The following CNOT6 variants were observed in gnomAD, a reference collection of about 807,000 sequenced individuals.
CNOT6 encodes the protein carbon catabolite repression 4 protein.
CNOT6 carries 12 observed loss-of-function variants against 61.2 expected under a neutral mutation model. That is an observed-to-expected ratio of 0.20 (90% CI 0.13 to 0.32). The LOEUF (loss-of-function observed/expected upper bound fraction) is 0.32. CNOT6 is among the 10% of genes least tolerant of loss of function. The pLI is 1.00. For synonymous variants in CNOT6, 225 were observed against 240.6 expected (o/e 0.94, Z 0.60); for missense variants, 405 against 663.9 (o/e 0.61, Z 4.28).
At chr5:180,558,401 G>T (rs1038313957) in intron 4 of CNOT6, among the ~76,000 whole-genome samples, 1 of 152,002 alleles carries the variant, frequency 6.6e-6, no homozygotes, top group African/African-American at 2.4e-5. Flanking sequence ...GTTAGGGCTG[G>T]CCGGACTGGG....
intron 4 of CNOT6, among the ~76,000 whole-genome samples, chr5:180,554,525 T>TA (rs1554102146): frequency 4.6e-5 from 7 of 152,064 alleles, no homozygotes; most frequent in South Asian, 4.2e-4. Flanking sequence ...CAGTTTTTTT[T>TA]AAATAAATAG....
chr5:180,494,786 CCG>C (rs1469313249), intron 1 of CNOT6, 23 bp downstream of exon 1: 1 of 152,002 alleles, frequency 6.6e-6, no homozygotes, highest in Non-Finnish European at 1.5e-5. Flanking sequence ...GGCCGGAGGC[CCG>C]GTCGGGGCGC....
rs185110304 is a variant in CNOT6 at position 180,577,473 on chromosome 5, T to C, written c.*3273T>C. On this transcript the variant is annotated 3_prime_UTR_variant, in exon 12 of 12. Coordinates refer to ENST00000261951, the MANE Select transcript of CNOT6 (RefSeq NM_001370472.1). The stretch of plus-strand genomic sequence containing the variant: ...GCTAGGCAAAACAATGACAGCACCG[T>C]TTTTTCAGTGAAGCTCTCAGAATGT... The C allele has an allele frequency of 5.0e-4, 76 of 152,628 alleles. No individual in the cohort carries two copies. In the East Asian group the frequency reaches 9.3e-3, roughly 19 times the overall value. The allele number at this position is 152,628 out of a possible 1,614,324, so 9.5% of individuals were successfully genotyped here. A position where few individuals can be genotyped will look rare whatever the true frequency, so the allele number is the denominator to read the frequency against.
At chr5:180,516,983 A>G (rs1161743082) in intron 1 of CNOT6, among the ~76,000 whole-genome samples, 1 of 152,162 alleles carries the variant, frequency 6.6e-6, no homozygotes, top group Non-Finnish European at 1.5e-5. Flanking sequence ...TTCTTCCTCC[A>G]TAGTATTGGT....
intron 2 of CNOT6, among the ~76,000 whole-genome samples, chr5:180,531,763 ACT>A (rs1307857901): frequency 2.0e-5 from 3 of 152,212 alleles, no homozygotes; most frequent in African/African-American, 7.2e-5. Context: ...CAGGCAGATC[ACT>A]CGGGGTCAGG....
intron 4 of CNOT6, among the ~76,000 whole-genome samples, chr5:180,560,866 G>C (rs1457221157): frequency 6.6e-6 from 1 of 152,130 alleles, no homozygotes; most frequent in Non-Finnish European, 1.5e-5. Flanking sequence ...ATGAATGTTA[G>C]ATCTTTTGTT....
chr5:180,517,684 C>G lies in CNOT6; in HGVS notation c.-2-11591C>G, dbSNP rs185130191. Among the ~76,000 whole-genome samples, 131 of 152,280 alleles carry G rather than the reference C, an allele frequency of 8.6e-4. No homozygotes were observed. The East Asian group carries it at 0.02, about 24-fold the overall frequency. ...TCAGCCTCCTGAGTAGCTGGGACTACAGACGCCTGCCACAAAGCCCAGCTA... is the reference window on the plus strand; with the variant it reads ...TCAGCCTCCTGAGTAGCTGGGACTAGAGACGCCTGCCACAAAGCCCAGCTA... On this transcript the variant is annotated intron_variant, in intron 1 of 11. Coordinates refer to ENST00000261951, the MANE Select transcript of CNOT6 (RefSeq NM_001370472.1).
At chr5:180,540,351 G>T (rs1252801101) in intron 2 of CNOT6, among the ~76,000 whole-genome samples, 1 of 151,818 alleles carries the variant, frequency 6.6e-6, no homozygotes, top group Non-Finnish European at 1.5e-5. Context: ...ATATGATTAG[G>T]GTCAAATAAG....
intron 1 of CNOT6, among the ~76,000 whole-genome samples, chr5:180,525,732 G>T (rs920980929): frequency 6.6e-6 from 1 of 151,990 alleles, no homozygotes; most frequent in Admixed American, 6.6e-5. Context: ...TTGCAACTCT[G>T]CAGGAAGAAC....
Position 180,530,530 on chromosome 5 carries a change from C to T in CNOT6, c.112+1142C>T, listed in dbSNP as rs148451424. Among the ~76,000 whole-genome samples, 122 of 151,024 alleles carry T rather than the reference C, an allele frequency of 8.1e-4. No individual in the cohort carries two copies. In the South Asian group the frequency reaches 8.4e-3, roughly 10 times the overall value. ...GCCATAGTAGAGGTCAGTACACACA[C>T]GGGTCTCTCCTGTTTTCCCTCTTCT... On this transcript the variant is annotated intron_variant, in intron 2 of 11. Transcript: ENST00000261951.
chr5:180,513,306 C>T (rs918385403), intron 1 of CNOT6, among the ~76,000 whole-genome samples: 15 of 152,200 alleles, frequency 9.9e-5, no homozygotes, highest in Non-Finnish European at 1.9e-4. Context: ...TTTCCCTCTT[C>T]AGCCTCCTGA....
chr5:180,536,450 T>G (rs1282681478), intron 2 of CNOT6, among the ~76,000 whole-genome samples: 1 of 152,124 alleles, frequency 6.6e-6, no homozygotes, highest in African/African-American at 2.4e-5. Flanking sequence ...TTAATGTAAT[T>G]AAGTCCCATT....
intron 1 of CNOT6, among the ~76,000 whole-genome samples, chr5:180,510,830 G>A (rs1358748097): frequency 6.6e-6 from 1 of 151,636 alleles, no homozygotes; most frequent in Non-Finnish European, 1.5e-5. Flanking sequence ...TTGCGACAGA[G>A]TCTCGCTCTC....
intron 1 of CNOT6, among the ~76,000 whole-genome samples, chr5:180,515,186 G>A (rs1383593699): frequency 6.6e-6 from 1 of 152,026 alleles, no homozygotes; most frequent in Non-Finnish European, 1.5e-5. Context: ...GGGAGGTCGA[G>A]GCAGGAGGAT....
At chr5:180,566,956 G>T in intron 7 of CNOT6, 132 bp from the exon 8 acceptor site, 2 of 883,252 alleles carry the variant, frequency 2.3e-6, no homozygotes, top group East Asian at 2.8e-5. Flanking sequence ...GCCCGGCCCG[G>T]AAAGATGTTA....
At chr5:180,515,749 G>T (rs1009084168) in intron 1 of CNOT6, among the ~76,000 whole-genome samples, 4 of 152,048 alleles carry the variant, frequency 2.6e-5, no homozygotes, top group African/African-American at 7.2e-5. Flanking sequence ...CTTTCTGCAC[G>T]TGAGTTTATT....
At chr5:180,543,754 T>C (rs1224911984) in intron 2 of CNOT6, among the ~76,000 whole-genome samples, 3 of 152,202 alleles carry the variant, frequency 2.0e-5, no homozygotes, top group Non-Finnish European at 4.4e-5. Context: ...ATATTAGTCT[T>C]TTTTATTTTG....
At chr5:180,558,098 G>A (rs1054837689) in intron 4 of CNOT6, among the ~76,000 whole-genome samples, 3 of 152,192 alleles carry the variant, frequency 2.0e-5, no homozygotes, top group Admixed American at 6.5e-5. Flanking sequence ...TGCAAAACCA[G>A]TTCTGAGGCC....
At chr5:180,563,766 A>T (rs1370567047) in intron 4 of CNOT6, among the ~76,000 whole-genome samples, 2 of 152,226 alleles carry the variant, frequency 1.3e-5, no homozygotes, top group Non-Finnish European at 2.9e-5. Context: ...ACTTTGCTCC[A>T]TGAAACCCTG....
Sources: allele counts gnomAD v4.1 joint callset (sites outside exome capture counted in the v4.1 genomes callset), GRCh38; gene constraint gnomAD v4.1.1; transcripts MANE v1.5; gene names NCBI Gene and HGNC (gene_info 2026-07-23, HGNC 2026-07-21).